Variants in PPP1R12B observed in about 807,000 individuals in gnomAD.
The protein encoded by PPP1R12B is protein phosphatase 1 regulatory subunit 12B.
Under a neutral mutation model 126.1 loss-of-function variants are expected in PPP1R12B, and 76 were observed. The observed-to-expected ratio is 0.60, with a 90% CI of 0.50 to 0.73. The LOEUF is 0.73. Ranked by LOEUF, PPP1R12B falls within the 30% of genes least tolerant of loss-of-function variation. The probability of loss-of-function intolerance (pLI) is 0.00; values close to 1 mark genes in which losing one functional copy is unlikely to be tolerated. For synonymous variants in PPP1R12B, 356 were observed against 434.7 expected, an observed-to-expected ratio of 0.82 and a Z score of 2.25; for missense variants, 1,052 against 1,205.1, an observed-to-expected ratio of 0.87 and a Z score of 1.88.
intron 6 of PPP1R12B, among the ~76,000 whole-genome samples, chr1:202,430,240 G>A (rs1444150430): frequency 6.6e-6 from 1 of 152,066 alleles, no homozygotes; most frequent in Non-Finnish European, 1.5e-5. Flanking sequence ...TACACCAGTG[G>A]GAATAGTACT....
chr1:202,582,571 TA>T lies in PPP1R12B; in HGVS notation c.*2014del, dbSNP rs1558403461. The stretch of plus-strand genomic sequence containing the variant: ...TCCCTCTGAAACACCACATGCTGTT[TA>T]AACTAGAAGCTGTAATTCAAGATCC... On this transcript the variant is annotated 3_prime_UTR_variant, in exon 24 of 24. Coordinates refer to ENST00000608999, the MANE Select transcript of PPP1R12B (RefSeq NM_002481.4). The T allele has an allele frequency of 1.3e-5, 2 of 152,624 alleles. No individual in the cohort carries two copies. Among genetic ancestry groups the T allele is most frequent in the African/African-American group, 2.4e-5 (1 of 41,428 alleles). 9.5% of individuals were successfully genotyped at this position (152,624 alleles called of 1,614,324 possible).
intron 1 of PPP1R12B, among the ~76,000 whole-genome samples, chr1:202,402,549 T>G (rs934516802): frequency 1.3e-5 from 2 of 152,204 alleles, no homozygotes; most frequent in African/African-American, 4.8e-5. Context: ...GCCTCAATAG[T>G]GAATTTATAT....
At chr1:202,533,483 T>G (rs1453675453) in intron 18 of PPP1R12B, among the ~76,000 whole-genome samples, 13 of 152,006 alleles carry the variant, frequency 8.6e-5, no homozygotes, top group Admixed American at 8.5e-4. Flanking sequence ...TTTGTTTTGT[T>G]TTGTTTTGTT....
intron 1 of PPP1R12B, among the ~76,000 whole-genome samples, chr1:202,409,589 A>C (rs1015706400): frequency 3.9e-5 from 6 of 152,066 alleles, no homozygotes; most frequent in African/African-American, 1.2e-4. Flanking sequence ...CAAAGTGCTG[A>C]GATTACAGGT....
chr1:202,557,886 G>A (rs1197052185), intron 18 of PPP1R12B, among the ~76,000 whole-genome samples: 1 of 152,196 alleles, frequency 6.6e-6, no homozygotes, highest in South Asian at 2.1e-4. Flanking sequence ...GCTGTAGGGT[G>A]TGGTGTGTTG....
At chr1:202,372,243 T>C (rs1395523020) in intron 1 of PPP1R12B, among the ~76,000 whole-genome samples, 4 of 152,154 alleles carry the variant, frequency 2.6e-5, no homozygotes, top group Non-Finnish European at 2.9e-5. Flanking sequence ...GTGGCTCTTA[T>C]CTGTAATCTT....
At chr1:202,486,211 C>A (rs1325081299) in intron 13 of PPP1R12B, among the ~76,000 whole-genome samples, 2 of 151,936 alleles carry the variant, frequency 1.3e-5, no homozygotes, top group Non-Finnish European at 2.9e-5. Flanking sequence ...TTAATAAATA[C>A]ATTTTTTAAT....
In PPP1R12B at chr1:202,471,870, T is replaced by G. The variant is rs1558270052; in HGVS notation, c.1851-16663T>G. The G allele has an allele frequency of 3.2e-6, 5 of 1,539,376 alleles. No individual in the cohort carries two copies. In the East Asian group the frequency reaches 6.7e-5, roughly 21 times the overall value. On this transcript the variant is annotated intron_variant, in intron 13 of 23. Coordinates refer to ENST00000608999, the MANE Select transcript of PPP1R12B (RefSeq NM_002481.4). ...TCTTGACTCAGAGTGCTTTTAGTGC[T>G]GCTTCCTCCTGAAGGAACATCCTTC...
intron 23 of PPP1R12B, 77 bp from the exon 24 acceptor site, chr1:202,580,397 C>T (rs760424792): frequency 8.6e-5 from 96 of 1,110,476 alleles, no homozygotes; most frequent in Admixed American, 1.2e-4. Context: ...GCTCACCAGG[C>T]TGGCCTGGCC....
At position 202,581,757 on chromosome 1, in the gene PPP1R12B, G is replaced by A. The variant is rs1558402549; in HGVS notation, c.*1197G>A. 1 of 152,218 alleles carries A rather than the reference G, an allele frequency of 6.6e-6. No homozygotes were observed. The highest frequency in any genetic ancestry group is 1.5e-5 in the Non-Finnish European group (1 of 68,044). 9.4% of individuals were successfully genotyped at this position (152,218 alleles called of 1,614,324 possible). On this transcript the variant is annotated 3_prime_UTR_variant, in exon 24 of 24. Transcript: ENST00000608999. ...AAGATAGCAGCCTACTGGGCTGTGA[G>A]AATAGTGGTGAATTTGATTATTTCC...
intron 13 of PPP1R12B, among the ~76,000 whole-genome samples, chr1:202,457,371 G>A (rs948377945): frequency 4.6e-5 from 7 of 152,070 alleles, no homozygotes; most frequent in Non-Finnish European, 1.0e-4. Flanking sequence ...CCAACATGGC[G>A]ACACGCCATC....
At chr1:202,481,949 C>T (rs1211047072) in intron 13 of PPP1R12B, among the ~76,000 whole-genome samples, 3 of 152,088 alleles carry the variant, frequency 2.0e-5, no homozygotes, top group Admixed American at 6.5e-5. Context: ...CAACTCCCCC[C>T]ACCTTTTTTT....
rs1690159247 is a variant in PPP1R12B at position 202,592,526 on chromosome 1, A to G, written c.*11966A>G. 6.6e-6 allele frequency: 1 copy of G among 152,268 alleles called. No homozygotes were observed. Among genetic ancestry groups the G allele is most frequent in the Non-Finnish European group, 1.5e-5 (1 of 68,046 alleles). 9.4% of individuals were successfully genotyped at this position (152,268 alleles called of 1,614,324 possible). On this transcript the variant is annotated 3_prime_UTR_variant, in exon 24 of 24. Transcript: ENST00000608999. ...TCAGCATTGCCATGCGGCTATTTAC[A>G]GAAAGTTATAGACATGCATCTTGAT...
At chr1:202,574,270 G>C (rs1688890869) in intron 23 of PPP1R12B, among the ~76,000 whole-genome samples, 1 of 152,136 alleles carries the variant, frequency 6.6e-6, no homozygotes, top group African/African-American at 2.4e-5. Context: ...AGCACTTTGG[G>C]AGGCTAAGGC....
At chr1:202,365,856 G>A (rs1479000899) in intron 1 of PPP1R12B, among the ~76,000 whole-genome samples, 1 of 151,998 alleles carries the variant, frequency 6.6e-6, no homozygotes, top group East Asian at 1.9e-4. Context: ...TGGGCATGGT[G>A]GCATACCTCT....
chr1:202,533,813 G>C (rs766542168), intron 18 of PPP1R12B, among the ~76,000 whole-genome samples: 1 of 152,186 alleles, frequency 6.6e-6, no homozygotes, highest in Non-Finnish European at 1.5e-5. Context: ...ACTGGATTGA[G>C]ATGACGTCTG....
intron 1 of PPP1R12B, among the ~76,000 whole-genome samples, chr1:202,392,184 A>C (rs1320413620): frequency 6.6e-6 from 1 of 152,108 alleles, no homozygotes; most frequent in Admixed American, 6.5e-5. Flanking sequence ...CTTACACAAA[A>C]ATGTTAATGG....
rs1679456179 is a variant in PPP1R12B, at chr1:202,495,623, G to T, written c.2389G>T (p.Glu797Ter). Residue 797 changes from glutamate (E) to a stop codon, truncating the protein, a stop_gained, in exon 17 of 24, where the codon GAG becomes TAG. Transcript: ENST00000608999. LOFTEE classifies it high-confidence loss of function. ...GTCCTCTAAGAGGCTGTCCATCCGA[G>T]AGAGGAGGCGGCCCAAGGAACGACG... ...EQSSKRLSIR[E>*]RRRPKERRRG... 1.2e-6 allele frequency: 2 copies of T among 1,614,064 alleles called. No homozygotes were observed. Among genetic ancestry groups the T allele is most frequent in the Non-Finnish European group, 1.7e-6 (2 of 1,180,036 alleles).
intron 18 of PPP1R12B, among the ~76,000 whole-genome samples, chr1:202,506,892 G>A (rs1572325537): frequency 6.6e-6 from 1 of 152,136 alleles, no homozygotes; most frequent in African/African-American, 2.4e-5. Flanking sequence ...CTACTTTCAG[G>A]GAATACAGCG....
Sources: allele counts gnomAD v4.1 joint callset (sites outside exome capture counted in the v4.1 genomes callset), GRCh38; gene constraint gnomAD v4.1.1; transcripts MANE v1.5; gene names NCBI Gene and HGNC (gene_info 2026-07-23, HGNC 2026-07-21).